ZNF831: variants seen among roughly 807,000 people sequenced by gnomAD.
The protein encoded by ZNF831 is zinc finger protein 831, also known as chromosome 20 open reading frame 174.
In ZNF831, 59 loss-of-function variants were observed where a neutral mutation model predicts 95.8. The observed-to-expected ratio is 0.62, with a 90% CI of 0.50 to 0.77. ZNF831 has a LOEUF of 0.77. Ranked by LOEUF, ZNF831 falls within the 30% of genes least tolerant of loss-of-function variation. ZNF831 has a pLI of 0.00. For synonymous variants in ZNF831, 961 were observed against 925.5 expected (o/e 1.04, Z -0.70); for missense variants, 2,205 against 2,164.0 (o/e 1.02, Z -0.38).
intron 1 of ZNF831, among the ~76,000 whole-genome samples, chr20:59,167,330 A>C (rs765920116): frequency 6.6e-6 from 1 of 151,890 alleles, no homozygotes; most frequent in African/African-American, 2.4e-5. Context: ...ATAGATTTTA[A>C]ATATAAGTCC....
Position 59,258,719 on chromosome 20 carries a change from A to C in ZNF831, c.*3976A>C, listed in dbSNP as rs1413364305. ...ACTACATTTCTCAATATTTAAGCAC[A>C]ATTTATTGTCCTTATTTTTCAGAAC... On this transcript the variant is annotated 3_prime_UTR_variant, in exon 6 of 6. Coordinates refer to ENST00000371030, the MANE Select transcript of ZNF831 (RefSeq NM_178457.3). 1 of 152,208 alleles carries C rather than the reference A, an allele frequency of 6.6e-6. No individual in the cohort carries two copies. Among genetic ancestry groups the C allele is most frequent in the East Asian group, 1.9e-4 (1 of 5,192 alleles). The allele number at this position is 152,208 out of a possible 1,614,324, so 9.4% of individuals were successfully genotyped here.
intron 1 of ZNF831, among the ~76,000 whole-genome samples, chr20:59,133,809 C>T (rs753995026): frequency 2.4e-4 from 37 of 152,222 alleles, no homozygotes; most frequent in Non-Finnish European, 4.0e-4. Flanking sequence ...AGCAAGAGTG[C>T]ATGCCTCCCC....
chr20:59,237,970 T>A (rs1261958938), intron 4 of ZNF831, among the ~76,000 whole-genome samples: 1 of 151,926 alleles, frequency 6.6e-6, no homozygotes, highest in East Asian at 1.9e-4. Flanking sequence ...AATACGTAAT[T>A]TTTTTTTAGC....
intron 1 of ZNF831, among the ~76,000 whole-genome samples, chr20:59,183,655 T>C (rs1982793217): frequency 6.6e-6 from 1 of 152,262 alleles, no homozygotes; most frequent in Non-Finnish European, 1.5e-5. Flanking sequence ...TACCTTGCAT[T>C]TCTTGGCTGA....
Position 59,193,583 on chromosome 20 carries a change from C to G in ZNF831, c.2564C>G (p.Ser855Cys), listed in dbSNP as rs2146585894. 6.2e-7 allele frequency: 1 copy of G among 1,610,242 alleles called. No homozygotes were observed. The highest frequency in any genetic ancestry group is 8.5e-7 in the Non-Finnish European group (1 of 1,178,358). ...GGPTQPASLS[S>C]QKQDADPGEV... ...CCCACGCAGCCTGCCTCTTTGTCATCCCAGAAGCAGGATGCCGATCCCGGG... is the reference window on the plus strand; with the variant it reads ...CCCACGCAGCCTGCCTCTTTGTCATGCCAGAAGCAGGATGCCGATCCCGGG... The change falls in exon 2 of 6, where the codon TCC becomes TGC. Residue 855 changes from serine (S) to cysteine (C), a missense_variant. By Grantham distance (112) the Ser-to-Cys change is moderately radical. Transcript: ENST00000371030.
intron 4 of ZNF831, among the ~76,000 whole-genome samples, chr20:59,240,128 C>G (rs1476198114): frequency 6.6e-6 from 1 of 151,004 alleles, no homozygotes; most frequent in African/African-American, 2.4e-5. Context: ...CCCCACCTAC[C>G]CCCACAGTCC....
At chr20:59,221,426 G>A (rs1434856990) in intron 4 of ZNF831, among the ~76,000 whole-genome samples, 1 of 152,174 alleles carries the variant, frequency 6.6e-6, no homozygotes, top group Non-Finnish European at 1.5e-5. Flanking sequence ...TGCTCTTGTA[G>A]GGACCCCATC....
rs2146571049 is a variant in ZNF831 at position 59,192,752 on chromosome 20, C to T, written c.1733C>T (p.Ala578Val). 1 of 1,611,820 alleles carries T rather than the reference C, an allele frequency of 6.2e-7. No homozygotes were observed. Among genetic ancestry groups the T allele is most frequent in the South Asian group, 1.1e-5 (1 of 90,964 alleles). Reference protein sequence around the residue: ...EDLPGTPIGDALVPAEDTDAK... With the variant: ...EDLPGTPIGDVLVPAEDTDAK... ...CTGCCAGGCACCCCCATTGGCGATG[C>T]CCTGGTGCCCGCAGAGGACACAGAC... Residue 578 changes from alanine to valine, a missense_variant, in exon 2 of 6, where the codon GCC becomes GTC. Ala to Val is a moderately conservative substitution (Grantham distance 64, BLOSUM62 0). Coordinates refer to ENST00000371030, the MANE Select transcript of ZNF831 (RefSeq NM_178457.3). The surrounding 1 kb of genome is among the most constrained non-coding windows in gnomAD (Gnocchi z 5.2).
chr20:59,134,304 T>A (rs1979438988), intron 1 of ZNF831, among the ~76,000 whole-genome samples: 1 of 152,192 alleles, frequency 6.6e-6, no homozygotes, highest in Non-Finnish European at 1.5e-5. Flanking sequence ...CTTGTTCGGT[T>A]ATTTTCTTGT....
intron 4 of ZNF831, among the ~76,000 whole-genome samples, chr20:59,244,619 T>C (rs1310521106): frequency 6.6e-6 from 1 of 152,244 alleles, no homozygotes; most frequent in African/African-American, 2.4e-5. Flanking sequence ...ACACTGCCCC[T>C]GAGGCCATCA....
At chr20:59,126,865 G>A (rs1363935417) in intron 1 of ZNF831, among the ~76,000 whole-genome samples, 1 of 152,188 alleles carries the variant, frequency 6.6e-6, no homozygotes, top group Non-Finnish European at 1.5e-5. Flanking sequence ...CCTCTTCTGA[G>A]CTCTGGGTGT....
intron 4 of ZNF831, among the ~76,000 whole-genome samples, chr20:59,233,616 C>T (rs1441483232): frequency 1.3e-5 from 2 of 152,176 alleles, no homozygotes; most frequent in African/African-American, 4.8e-5. Context: ...AAACAAGTGG[C>T]CATCCAACCT....
rs1983640037 is a variant in ZNF831, at chr20:59,192,329, A to G, written c.1310A>G (p.Gln437Arg). The G allele has an allele frequency of 1.2e-6, 2 of 1,601,196 alleles. No homozygotes were observed. The highest frequency in any genetic ancestry group is 1.7e-5 in the Admixed American group (1 of 58,096). The stretch of plus-strand genomic sequence containing the variant: ...CCCCGGAAGACCGGGCTGTCCAAAC[A>G]GGGCAGCATCGACCTGCCCACGCCC... ...VRPRKTGLSK[Q>R]GSIDLPTPYT... is the part of the protein sequence containing the mutation. The change falls in exon 2 of 6, where the codon CAG becomes CGG. Residue 437 changes from glutamine (Q) to arginine (R), a missense_variant. Physicochemically the swap from Gln to Arg is conservative, Grantham distance 43 (BLOSUM62 1). Coordinates refer to ENST00000371030, the MANE Select transcript of ZNF831 (RefSeq NM_178457.3). The surrounding 1 kb of genome is among the most constrained non-coding windows in gnomAD (Gnocchi z 5.2).
chr20:59,185,480 A>T (rs1982942455), intron 1 of ZNF831, among the ~76,000 whole-genome samples: 1 of 151,896 alleles, frequency 6.6e-6, no homozygotes, highest in Non-Finnish European at 1.5e-5. Flanking sequence ...AGGTTGGGCT[A>T]AAGTTTTTGG....
intron 4 of ZNF831, among the ~76,000 whole-genome samples, chr20:59,247,462 C>T (rs1987672048): frequency 6.6e-6 from 1 of 151,910 alleles, no homozygotes. Flanking sequence ...GTTGGTTGTG[C>T]TTGGTGCTCA....
intron 4 of ZNF831, among the ~76,000 whole-genome samples, chr20:59,226,321 T>C (rs1031698322): frequency 2.0e-5 from 3 of 152,128 alleles, no homozygotes; most frequent in African/African-American, 4.8e-5. Flanking sequence ...CTTCTCCATG[T>C]TTTGTGCTAC....
intron 4 of ZNF831, among the ~76,000 whole-genome samples, chr20:59,221,893 A>C (rs183023906): frequency 1.1e-3 from 174 of 152,290 alleles, no homozygotes; most frequent in African/African-American, 4.1e-3. Context: ...CTAGCGTTTG[A>C]AATTATTAAG....
At chr20:59,209,501 A>G (rs961120414) in intron 4 of ZNF831, among the ~76,000 whole-genome samples, 8 of 152,168 alleles carry the variant, frequency 5.3e-5, no homozygotes, top group Non-Finnish European at 1.5e-5. Flanking sequence ...AAGAGGGAAC[A>G]TGGGGAGTTC....
intron 1 of ZNF831, among the ~76,000 whole-genome samples, chr20:59,166,846 G>A (rs1981309889): frequency 6.6e-6 from 1 of 152,218 alleles, no homozygotes; most frequent in South Asian, 2.1e-4. Context: ...GGGCATCTGG[G>A]CTGATGCCAA....
Sources: allele counts gnomAD v4.1 joint callset (sites outside exome capture counted in the v4.1 genomes callset), GRCh38; gene constraint gnomAD v4.1.1; non-coding constraint Gnocchi (gnomAD v3.1); transcripts MANE v1.5; gene names NCBI Gene and HGNC (gene_info 2026-07-23, HGNC 2026-07-21).